DPH5: variants seen among roughly 807,000 people sequenced by gnomAD.
The protein encoded by DPH5 is diphthine methyl ester synthase.
DPH5 carries 31 observed loss-of-function variants against 31.6 expected under a neutral mutation model. That is an observed-to-expected ratio of 0.98 (90% CI 0.74 to 1.32). DPH5 has a LOEUF of 1.32. Among genes scored for constraint, DPH5 ranks in the 40% most tolerant of loss-of-function variants. The probability of loss-of-function intolerance (pLI) is 0.00; values close to 1 mark genes in which losing one functional copy is unlikely to be tolerated. For missense variants in DPH5, 309 were observed against 335.7 expected, an observed-to-expected ratio of 0.92 and a Z score of 0.62; for synonymous variants, 120 against 115.0, an observed-to-expected ratio of 1.04 and a Z score of -0.28.
intron 3 of DPH5, among the ~76,000 whole-genome samples, chr1:101,016,988 C>G (rs192068564): frequency 6.6e-6 from 1 of 152,150 alleles, no homozygotes; most frequent in African/African-American, 2.4e-5. Flanking sequence ...ATTTTATATG[C>G]GCTTGGTTTG....
Position 101,025,737 on chromosome 1 carries a change from C to G in DPH5, c.-78G>C, listed in dbSNP as rs1660780595. ...GCCTTTACAAATTCTTAACTACCAC[C>G]TTTCCGCAGAAGCAACTGCAAAAGC... On this transcript the variant is annotated 5_prime_UTR_variant, in exon 1 of 8. Coordinates refer to ENST00000370109, the MANE Select transcript of DPH5 (RefSeq NM_015958.3). 1 of 342,340 alleles carries G rather than the reference C, an allele frequency of 2.9e-6. No individual in the cohort carries two copies. Among genetic ancestry groups the G allele is most frequent in the Non-Finnish European group, 5.4e-6 (1 of 185,300 alleles). 21.2% of individuals were successfully genotyped at this position (342,340 alleles called of 1,614,324 possible).
intron 2 of DPH5, among the ~76,000 whole-genome samples, chr1:101,022,503 A>G (rs1660529473): frequency 6.6e-6 from 1 of 152,246 alleles, no homozygotes; most frequent in Admixed American, 6.5e-5. Context: ...GTTACGGGCT[A>G]TTATGCAAGA....
intron 6 of DPH5, 71 bp downstream of exon 6, chr1:100,995,039 A>G: frequency 9.1e-7 from 1 of 1,101,188 alleles, no homozygotes; most frequent in South Asian, 1.3e-5. Flanking sequence ...AACTCAGGTC[A>G]TTTAAGTAGA....
intron 5 of DPH5, among the ~76,000 whole-genome samples, chr1:100,997,109 A>G (rs577724489): frequency 6.6e-6 from 1 of 152,300 alleles, no homozygotes; most frequent in South Asian, 2.1e-4. Context: ...CAAGAGCCAC[A>G]TTTCTAGTTT....
intron 4 of DPH5, among the ~76,000 whole-genome samples, chr1:101,002,720 C>A (rs954433156): frequency 7.2e-5 from 11 of 152,146 alleles, no homozygotes; most frequent in Admixed American, 2.6e-4. Context: ...CTTTTCTCAG[C>A]CTTGGGTTCT....
chr1:100,993,559 A>AATATATATATATATATATATAAATAT (rs1658006219), intron 6 of DPH5, among the ~76,000 whole-genome samples: 2 of 56,536 alleles, frequency 3.5e-5, no homozygotes, highest in African/African-American at 1.2e-4. Context: ...CGAAAATATA[A>AATATATATATATATATATATAAATAT]ATATATATAT....
chr1:100,995,224 A>G (rs1287349629), intron 5 of DPH5, 75 bp from the exon 6 acceptor site: 1 of 984,780 alleles, frequency 1.0e-6, no homozygotes, highest in Admixed American at 2.1e-5. Flanking sequence ...ACCTCAGTTA[A>G]GAGTCACCTA....
chr1:101,011,206 CA>C (rs1332801633), intron 4 of DPH5, among the ~76,000 whole-genome samples: 2 of 151,890 alleles, frequency 1.3e-5, no homozygotes, highest in Non-Finnish European at 2.9e-5. Context: ...GTGTGTCATG[CA>C]TATGATTTTT....
intron 4 of DPH5, 161 bp downstream of exon 4, chr1:101,013,549 A>T (rs968037638): frequency 1.1e-5 from 5 of 434,828 alleles, no homozygotes; most frequent in Non-Finnish European, 1.6e-5. Flanking sequence ...GCATAAAAAA[A>T]TTAGTGTTAA....
chr1:100,996,114 ATTAT>A (rs1202710701), intron 5 of DPH5: 2 of 152,190 alleles, frequency 1.3e-5, no homozygotes, highest in South Asian at 2.1e-4. Flanking sequence ...TTGAAATATC[ATTAT>A]TTATTTAATA....
rs773395781 is a variant in DPH5 at position 100,995,169 on chromosome 1, T to C, written c.491-20A>G. 9.8e-6 allele frequency: 15 copies of C among 1,524,766 alleles called. No homozygotes were observed. Among genetic ancestry groups the C allele is most frequent in the Non-Finnish European group, 1.4e-5 (15 of 1,102,114 alleles). The allele number at this position is 1,524,766 out of a possible 1,614,324, so 94.5% of individuals were successfully genotyped here. ...TGATGTCTGTAGGAAGTAAAAATAG[T>C]TCTTTTAATTTAATTAAAAGCTTTA... On this transcript the variant is annotated intron_variant, in intron 5 of 7. Transcript: ENST00000370109.
chr1:100,996,238 C>T (rs955458184), intron 5 of DPH5: 4 of 152,132 alleles, frequency 2.6e-5, no homozygotes, highest in South Asian at 2.1e-4. Context: ...CTTTAAATTA[C>T]GTTTCTAAGA....
intron 4 of DPH5, among the ~76,000 whole-genome samples, chr1:101,012,539 T>C (rs1464745881): frequency 6.6e-6 from 1 of 152,222 alleles, no homozygotes; most frequent in Non-Finnish European, 1.5e-5. Flanking sequence ...CCCTATAGCA[T>C]TCTTTGTAGT....
chr1:101,015,958 ATCT>A (rs1266667749), intron 3 of DPH5, among the ~76,000 whole-genome samples: 1 of 152,160 alleles, frequency 6.6e-6, no homozygotes, highest in African/African-American at 2.4e-5. Context: ...GGCAGGTTTG[ATCT>A]TCTATACAGA....
intron 6 of DPH5, among the ~76,000 whole-genome samples, chr1:100,993,566 ATATATAT>A (rs1658017442): frequency 1.4e-5 from 1 of 71,232 alleles, no homozygotes; most frequent in African/African-American, 5.9e-5. Flanking sequence ...ATAAATATAT[ATATATAT>A]ATATATATAT....
chr1:101,008,016 C>T (rs1659362852), intron 4 of DPH5, among the ~76,000 whole-genome samples: 2 of 152,090 alleles, frequency 1.3e-5, no homozygotes, highest in Non-Finnish European at 2.9e-5. Context: ...GTGTTTATAA[C>T]TATTATTTTA....
intron 3 of DPH5, among the ~76,000 whole-genome samples, chr1:101,014,921 T>A (rs1322952100): frequency 6.6e-6 from 1 of 152,216 alleles, no homozygotes; most frequent in African/African-American, 2.4e-5. Flanking sequence ...TCAAGTTTTA[T>A]CCTAAGATTG....
intron 5 of DPH5, among the ~76,000 whole-genome samples, chr1:100,996,718 C>T (rs1279223010): frequency 2.4e-5 from 2 of 83,812 alleles, no homozygotes; most frequent in Admixed American, 1.2e-4. Flanking sequence ...GACTTCTCCT[C>T]AAATGCTTTT....
At chr1:100,993,555 T>TATAA (rs1465911618) in intron 6 of DPH5, among the ~76,000 whole-genome samples, 3 of 74,668 alleles carry the variant, frequency 4.0e-5, no homozygotes, top group African/African-American at 5.3e-5. Flanking sequence ...CTGTCGAAAA[T>TATAA]ATAAATATAT....
Sources: gnomAD v4.1 joint callset for allele counts (sites outside exome capture counted in the v4.1 genomes callset) on GRCh38, gnomAD v4.1.1 for gene constraint, MANE v1.5 for transcripts, NCBI Gene and HGNC (gene_info 2026-07-23, HGNC 2026-07-21) for gene names.